The following NOX3 variants were observed in gnomAD, a reference collection of about 807,000 sequenced individuals.
NOX3 encodes the protein NADPH oxidase catalytic subunit-like 3.
Under a neutral mutation model 76.7 loss-of-function variants are expected in NOX3, and 74 were observed. The observed-to-expected ratio is 0.96, with a 90% CI of 0.80 to 1.17. The LOEUF (loss-of-function observed/expected upper bound fraction) is 1.17, where lower values mean the gene tolerates loss of function less well. Ranked by LOEUF, NOX3 falls within the 50% of genes most tolerant of loss-of-function variation. The pLI is 0.00. For synonymous variants in NOX3, 263 were observed against 261.1 expected (o/e 1.01, Z -0.07); for missense variants, 695 against 703.3 (o/e 0.99, Z 0.13).
chr6:155,420,228 C>T (rs1776672110), intron 10 of NOX3, among the ~76,000 whole-genome samples: 1 of 152,092 alleles, frequency 6.6e-6, no homozygotes, highest in African/African-American at 2.4e-5. Context: ...CTTTGCATGT[C>T]TCTGAGCAGG....
chr6:155,420,884 A>G (rs1458606919), intron 10 of NOX3, among the ~76,000 whole-genome samples: 1 of 152,210 alleles, frequency 6.6e-6, no homozygotes, highest in African/African-American at 2.4e-5. Flanking sequence ...ATAATCATCT[A>G]TATTTCTGTA....
Position 155,454,884 on chromosome 6 carries a change from A to T in NOX3, c.182T>A (p.Leu61Gln), listed in dbSNP as rs1043861712. Residue 61 changes from leucine to glutamine, a missense_variant, in exon 3 of 14, where the codon CTG becomes CAG. By Grantham distance (113) the Leu-to-Gln change is moderately radical. Coordinates refer to ENST00000159060, the MANE Select transcript of NOX3 (RefSeq NM_015718.3). ...LAWARASALC[L>Q]NFNCMLILIP... The stretch of plus-strand genomic sequence containing the variant: ...TAGAATTAGCATGCAGTTAAAATTC[A>T]GGCACAGTGCGGATGCTCGTGCCCA... 11 of 1,610,712 alleles carry T rather than the reference A, an allele frequency of 6.8e-6. No homozygotes were observed. Among genetic ancestry groups the T allele is most frequent in the Non-Finnish European group, 9.3e-6 (11 of 1,179,340 alleles).
chr6:155,427,056 G>A (rs1342326806), intron 9 of NOX3, among the ~76,000 whole-genome samples: 2 of 149,856 alleles, frequency 1.3e-5, no homozygotes, highest in Non-Finnish European at 3.0e-5. Context: ...GGGTGGGGGT[G>A]CTGTGCAGTG....
chr6:155,417,871 T>C (rs1455520483), intron 10 of NOX3, among the ~76,000 whole-genome samples: 1 of 152,222 alleles, frequency 6.6e-6, no homozygotes, highest in African/African-American at 2.4e-5. Flanking sequence ...CTGTTTATTA[T>C]ATTAGGTTAA....
At position 155,453,639 on chromosome 6, in the gene NOX3, G is replaced by C. The variant is rs531600877; in HGVS notation, c.256-151C>G. On this transcript the variant is annotated intron_variant, in intron 3 of 13. Coordinates refer to ENST00000159060, the MANE Select transcript of NOX3 (RefSeq NM_015718.3). ...AAGTTAATGGCCATTAGTCAAACAG[G>C]CAAATCAAAAGGTTATTAGTTGCTT... is the stretch of plus-strand genomic sequence containing the variant. 8.3e-5 allele frequency: 53 copies of C among 641,462 alleles called. 1 individual carries two copies. The East Asian group carries it at 1.1e-3, about 13-fold the overall frequency. 39.7% of individuals were successfully genotyped at this position (641,462 alleles called of 1,614,324 possible).
intron 9 of NOX3, among the ~76,000 whole-genome samples, chr6:155,427,568 T>C (rs1487071430): frequency 2.6e-5 from 4 of 152,226 alleles, no homozygotes; most frequent in Admixed American, 2.0e-4. Flanking sequence ...GAACTTCCAT[T>C]TGAAGTGTCT....
In NOX3 at chr6:155,439,998, A is replaced by C; in HGVS notation, c.626T>G (p.Val209Gly). 6.2e-7 allele frequency: 1 copy of C among 1,614,028 alleles called. No homozygotes were observed. The highest frequency in any genetic ancestry group is 8.5e-7 in the Non-Finnish European group (1 of 1,179,954). ...CAGGCTGAGAAAGAAGACGATGAAA[A>C]CATGGTGTGTGTACCAGAACAACTC... ...SYELFWYTHH[V>G]FIVFFLSLAI... Residue 209 changes from valine (V) to glycine (G), a missense_variant, in exon 6 of 14, where the codon GTT (valine) becomes GGT (glycine). Coordinates refer to ENST00000159060, the MANE Select transcript of NOX3 (RefSeq NM_015718.3).
chr6:155,451,490 G>C (rs924835909), intron 4 of NOX3, among the ~76,000 whole-genome samples: 8 of 152,090 alleles, frequency 5.3e-5, no homozygotes, highest in East Asian at 3.8e-4. Flanking sequence ...TAACACGGGG[G>C]ATATTCATTA....
intron 7 of NOX3, among the ~76,000 whole-genome samples, chr6:155,433,534 T>C (rs1051720709): frequency 5.3e-5 from 8 of 152,346 alleles, no homozygotes; most frequent in Admixed American, 3.9e-4. Flanking sequence ...TCCTGTTTTG[T>C]AAAATGGGAA....
At position 155,453,474 on chromosome 6, in the gene NOX3, C is replaced by T. The variant is rs34960420; in HGVS notation, c.270G>A (p.Pro90=). 191,938 of 1,611,334 alleles carry T rather than the reference C, an allele frequency of 0.12. 12,440 individuals carry two copies. Among genetic ancestry groups the T allele is most frequent in the Admixed American group, 0.24 (14,521 of 59,994 alleles). Residue 90 remains proline (P), a synonymous_variant, in exon 4 of 14, where the codon CCG becomes CCA. Transcript: ENST00000159060. ...IRGTSICCRG[P]WRRQLDKNLR... Reference sequence around the variant, plus strand: ...GGTTTTTGTCTAATTGCCTCCTCCACGGTCCTCTGCAGCACTAGAGTAACA... The same window carrying T: ...GGTTTTTGTCTAATTGCCTCCTCCATGGTCCTCTGCAGCACTAGAGTAACA...
At chr6:155,442,829 T>C (rs1562471011) in intron 5 of NOX3, among the ~76,000 whole-genome samples, 1 of 152,230 alleles carries the variant, frequency 6.6e-6, no homozygotes, top group Admixed American at 6.5e-5. Flanking sequence ...TGTGCCAATG[T>C]ATGAGGCATT....
intron 6 of NOX3, among the ~76,000 whole-genome samples, chr6:155,438,747 G>A (rs545053087): frequency 1.3e-5 from 2 of 152,340 alleles, no homozygotes; most frequent in Admixed American, 6.5e-5. Context: ...GCAGCTATGC[G>A]CTTGCTCTTC....
rs199811989 is a variant in NOX3, at chr6:155,439,940, C to T, written c.668+16G>A. 2.7e-5 allele frequency: 43 copies of T among 1,603,056 alleles called. No individual in the cohort carries two copies. The highest frequency in any genetic ancestry group is 3.1e-5 in the Non-Finnish European group (37 of 1,175,472). ...CAGAGATAAAATCCTTGCAGAGGAG[C>T]GCAGTATGGACTTACCCCGTCCCAT... On this transcript the variant is annotated intron_variant, in intron 6 of 13. Coordinates refer to ENST00000159060, the MANE Select transcript of NOX3 (RefSeq NM_015718.3).
chr6:155,425,232 A>G (rs770042167), intron 9 of NOX3, among the ~76,000 whole-genome samples: 13 of 152,222 alleles, frequency 8.5e-5, no homozygotes, highest in South Asian at 2.1e-4. Flanking sequence ...AAATAGTTGA[A>G]CATAGCTATC....
In NOX3 at chr6:155,428,977, T is replaced by TTGGCTAACG. The variant is rs1417933994; in HGVS notation, c.961_962insCGTTAGCCA (p.Gln321delinsProLeuAlaLys). ...GGCTGGGCACTGCACCAAGATGTACTGCCCTGGCGCCATTTTAAAGCCACG... is the reference window on the plus strand; with the variant it reads ...GGCTGGGCACTGCACCAAGATGTACTTGGCTAACGGCCCTGGCGCCATTTTAAAGCCACG... On this transcript the variant is annotated protein_altering_variant, in exon 9 of 14. Coordinates refer to ENST00000159060, the MANE Select transcript of NOX3 (RefSeq NM_015718.3). The TTGGCTAACG allele has an allele frequency of 6.2e-7, 1 of 1,613,668 alleles. No homozygotes were observed. The highest frequency in any genetic ancestry group is 1.7e-5 in the Admixed American group (1 of 60,010).
chr6:155,455,361 A>C (rs1334976271), intron 1 of NOX3, among the ~76,000 whole-genome samples: 1 of 152,250 alleles, frequency 6.6e-6, no homozygotes, highest in Non-Finnish European at 1.5e-5. Context: ...TAAGTGATTT[A>C]ATGAAACTAC....
At chr6:155,448,861 G>A (rs1777098830) in intron 4 of NOX3, among the ~76,000 whole-genome samples, 1 of 152,130 alleles carries the variant, frequency 6.6e-6, no homozygotes, top group South Asian at 2.1e-4. Context: ...GCAGCCTTCA[G>A]AAACAAGGAC....
At chr6:155,420,757 A>T (rs1424946135) in intron 10 of NOX3, among the ~76,000 whole-genome samples, 2 of 152,234 alleles carry the variant, frequency 1.3e-5, no homozygotes, top group African/African-American at 4.8e-5. Context: ...GAGATAGTGC[A>T]TGTAAAATGC....
At chr6:155,431,588 A>G (rs1407505871) in intron 7 of NOX3, among the ~76,000 whole-genome samples, 1 of 152,228 alleles carries the variant, frequency 6.6e-6, no homozygotes, top group East Asian at 1.9e-4. Flanking sequence ...TGCTATGTTA[A>G]CTTTTGATGA....
Sources: gnomAD v4.1 joint callset for allele counts (sites outside exome capture counted in the v4.1 genomes callset) on GRCh38, gnomAD v4.1.1 for gene constraint, MANE v1.5 for transcripts, NCBI Gene and HGNC (gene_info 2026-07-23, HGNC 2026-07-21) for gene names.